TUSC3: variants seen among roughly 807,000 people sequenced by gnomAD.
The protein encoded by TUSC3 is tumor suppressor candidate 3, also known as dolichyl-diphosphooligosaccharide--protein glycosyltransferase subunit TUSC3.
TUSC3 carries 45 observed loss-of-function variants against 44.8 expected under a neutral mutation model. The observed-to-expected ratio is 1.00, with a 90% confidence interval of 0.79 to 1.29. The LOEUF is 1.29. TUSC3 is among the 50% of genes most tolerant of loss of function. The pLI, the probability that TUSC3 is intolerant of heterozygous loss-of-function variation, is 0.00. For synonymous variants in TUSC3, 212 were observed against 152.9 expected, an observed-to-expected ratio of 1.39 and a Z score of -2.85; for missense variants, 519 against 437.9, an observed-to-expected ratio of 1.19 and a Z score of -1.65.
intron 1 of TUSC3, among the ~76,000 whole-genome samples, chr8:15,597,090 G>C (rs1185351394): frequency 2.0e-5 from 3 of 152,108 alleles, no homozygotes; most frequent in Non-Finnish European, 4.4e-5. Flanking sequence ...ACAGTAGGAA[G>C]AGGTCAGAGA....
the TUSC3 span, among the ~76,000 whole-genome samples, chr8:15,829,372 G>T: frequency 6.6e-6 from 1 of 152,130 alleles, no homozygotes; most frequent in Non-Finnish European, 1.5e-5. Context: ...CTTGCAAAGT[G>T]GCTGAATGAC....
chr8:15,572,223 G>A (rs111890842), intron 1 of TUSC3, among the ~76,000 whole-genome samples: 4,746 of 152,192 alleles, frequency 0.031, 240 homozygotes, highest in African/African-American at 0.11. Flanking sequence ...GCTAAATCTG[G>A]GTAATTTGCT....
chr8:15,490,518 C>T (rs1800794195), intron 2 of TUSC3, among the ~76,000 whole-genome samples: 2 of 152,156 alleles, frequency 1.3e-5, no homozygotes, highest in Non-Finnish European at 2.9e-5. Flanking sequence ...TTGGGAAATG[C>T]AGCCTGCAGA....
At chr8:15,726,004 T>A (rs1810481975) in intron 6 of TUSC3, among the ~76,000 whole-genome samples, 1 of 152,202 alleles carries the variant, frequency 6.6e-6, no homozygotes, top group South Asian at 2.1e-4. Context: ...ACCCTAGCTC[T>A]CTTTTCAAGT....
chr8:15,581,410 C>G (rs993606822), intron 1 of TUSC3, among the ~76,000 whole-genome samples: 2 of 149,666 alleles, frequency 1.3e-5, no homozygotes, highest in African/African-American at 5.0e-5. Flanking sequence ...TTTAGAGTTT[C>G]CAGTTTTTCA....
chr8:15,445,450 C>T (rs891496233), intron 1 of TUSC3, among the ~76,000 whole-genome samples: 9 of 152,202 alleles, frequency 5.9e-5, no homozygotes, highest in Middle Eastern at 3.4e-3. Context: ...TTTTCCTAGG[C>T]AGAGGACCCT....
chr8:15,467,543 G>A (rs1226471978), intron 1 of TUSC3, among the ~76,000 whole-genome samples: 1 of 152,118 alleles, frequency 6.6e-6, no homozygotes, highest in African/African-American at 2.4e-5. Flanking sequence ...TGAACTGCCA[G>A]TTTCATTGGG....
intron 1 of TUSC3, among the ~76,000 whole-genome samples, chr8:15,443,924 T>C (rs1244705838): frequency 6.6e-6 from 1 of 151,946 alleles, no homozygotes; most frequent in Non-Finnish European, 1.5e-5. Context: ...CAACTTCAAT[T>C]CTGCCTAACC....
chr8:15,630,584 G>T (rs527634476), intron 2 of TUSC3, among the ~76,000 whole-genome samples: 18 of 152,152 alleles, frequency 1.2e-4, no homozygotes, highest in African/African-American at 4.1e-4. Context: ...AACTGTTCAG[G>T]GTTGCGATTT....
intron 2 of TUSC3, among the ~76,000 whole-genome samples, chr8:15,634,495 C>T (rs991859570): frequency 6.6e-6 from 1 of 152,152 alleles, no homozygotes; most frequent in South Asian, 2.1e-4. Context: ...TGATATTTTG[C>T]ATGAAAGCTG....
At chr8:15,484,984 G>C (rs1800715998) in intron 2 of TUSC3, among the ~76,000 whole-genome samples, 1 of 152,252 alleles carries the variant, frequency 6.6e-6, no homozygotes, top group African/African-American at 2.4e-5. Context: ...ATGGCGTATG[G>C]TATGGTGTGA....
intron 6 of TUSC3, among the ~76,000 whole-genome samples, chr8:15,688,241 G>C (rs926543058): frequency 6.6e-6 from 1 of 152,002 alleles, no homozygotes; most frequent in East Asian, 1.9e-4. Context: ...ATTGAAAAAA[G>C]CGTTTCTCAT....
At chr8:15,454,651 A>C (rs1196811374) in intron 1 of TUSC3, among the ~76,000 whole-genome samples, 1 of 152,184 alleles carries the variant, frequency 6.6e-6, no homozygotes, top group African/African-American at 2.4e-5. Flanking sequence ...GAAATCCGTC[A>C]AATATTACTG....
At chr8:15,581,863 T>G (rs1332442731) in intron 1 of TUSC3, among the ~76,000 whole-genome samples, 30 of 91,582 alleles carry the variant, frequency 3.3e-4, no homozygotes, top group Middle Eastern at 6.3e-3. Context: ...GAGCTTCCCG[T>G]TTACCTAATC....
chr8:15,822,093 A>G, the TUSC3 span, among the ~76,000 whole-genome samples: 1 of 152,332 alleles, frequency 6.6e-6, no homozygotes, highest in East Asian at 1.9e-4. Flanking sequence ...AGTAGGAAAG[A>G]AAGTGAGATA....
intron 7 of TUSC3, 82 bp from the exon 8 acceptor site, chr8:15,743,456 C>T: frequency 7.2e-7 from 1 of 1,384,114 alleles, no homozygotes; most frequent in East Asian, 2.3e-5. Context: ...TTTAACCATT[C>T]TGGAACATTG....
chr8:15,807,085 C>A, the TUSC3 span: 1 of 1,377,346 alleles, frequency 7.3e-7, no homozygotes. Context: ...TATTTGGCAA[C>A]CTGAGAACCA....
chr8:15,534,345 G>C (rs568989461), intron 2 of TUSC3, among the ~76,000 whole-genome samples: 2 of 152,132 alleles, frequency 1.3e-5, no homozygotes, highest in African/African-American at 2.4e-5. Context: ...TAAAATATCT[G>C]ATAAAAACTT....
intron 3 of TUSC3, among the ~76,000 whole-genome samples, chr8:15,658,627 T>TACCCATAC (rs1301722547): frequency 3.5e-5 from 4 of 113,192 alleles, no homozygotes; most frequent in African/African-American, 1.5e-4. Flanking sequence ...CGTGTATATA[T>TACCCATAC]ACACATATAT....
Sources: allele counts gnomAD v4.1 joint callset (sites outside exome capture counted in the v4.1 genomes callset), GRCh38; gene constraint gnomAD v4.1.1; transcripts MANE v1.5; gene names NCBI Gene and HGNC (gene_info 2026-07-23, HGNC 2026-07-21).